The following SYF2 variants were observed in gnomAD, a reference collection of about 807,000 sequenced individuals.
SYF2 encodes SYF2 pre-mRNA splicing factor.
In SYF2, 21 loss-of-function variants were observed where a neutral mutation model predicts 32.7. That is an observed-to-expected ratio of 0.64 (90% confidence interval 0.45 to 0.92). The LOEUF (loss-of-function observed/expected upper bound fraction) is 0.92, where lower values mean the gene tolerates loss of function less well. SYF2 is among the 40% of genes least tolerant of loss of function. The pLI is 0.00. For missense variants in SYF2, 278 were observed against 296.5 expected (o/e 0.94, Z 0.46); for synonymous variants, 114 against 103.9 (o/e 1.10, Z -0.59).
intron 5 of SYF2, 36 bp from the exon 6 acceptor site, chr1:25,225,136 A>G: frequency 7.5e-7 from 1 of 1,340,706 alleles, no homozygotes. Context: ...CAGTAACACT[A>G]TAAATGCTCC....
chr1:25,227,386 TACACAC>T (rs111662912), intron 5 of SYF2, 50 bp downstream of exon 5: 26 of 1,326,934 alleles, frequency 2.0e-5, no homozygotes, highest in Middle Eastern at 1.8e-4. Flanking sequence ...TGTACATGTA[TACACAC>T]ACACACACAC....
intron 3 of SYF2, 145 bp downstream of exon 3, chr1:25,228,853 G>A (rs986076359): frequency 2.0e-5 from 16 of 785,874 alleles, no homozygotes; most frequent in South Asian, 6.5e-5. Flanking sequence ...CTCACCCAAC[G>A]TGTTGCAGTT....
rs1638423916 is a variant in SYF2 at position 25,222,328 on chromosome 1, CTGGAGT to C, written c.*932_*937del. Among the ~76,000 whole-genome samples, 1 of 152,080 alleles carries C rather than the reference CTGGAGT, an allele frequency of 6.6e-6. No individual in the cohort carries two copies. Among genetic ancestry groups the C allele is most frequent in the Non-Finnish European group, 1.5e-5 (1 of 68,020 alleles). Reference sequence around the variant, plus strand: ...AGAGAAAAAATAACAACCTTTCCCTCTGGAGTTTTATAAAAATAAATCTATTGCAGT... The same window carrying C: ...AGAGAAAAAATAACAACCTTTCCCTCTTTATAAAAATAAATCTATTGCAGT... On this transcript the variant is annotated 3_prime_UTR_variant, in exon 7 of 7. Transcript: ENST00000236273.
At chr1:25,229,322 A>G (rs942988) in intron 2 of SYF2, among the ~76,000 whole-genome samples, 199 bp from the exon 3 acceptor site, 6,406 of 152,216 alleles carry the variant, frequency 0.042, 485 homozygotes, top group African/African-American at 0.15. Context: ...GTCAAGAAAA[A>G]TGTGTTGAGT....
rs991282852 is a variant in SYF2, at chr1:25,226,152, A to T, written c.468-1052T>A. 3.9e-5 allele frequency among the ~76,000 whole-genome samples: 6 copies of T among 152,162 alleles called. No individual in the cohort carries two copies. The East Asian group carries it at 5.8e-4, about 15-fold the overall frequency. ...GACAGAGCGAGATTCTATCTCAAAA[A>T]AAAAATAAAAATAAAAATAAAAAAT... On this transcript the variant is annotated intron_variant, in intron 5 of 6. Transcript: ENST00000236273.
At chr1:25,226,112 C>T (rs1045084372) in intron 5 of SYF2, among the ~76,000 whole-genome samples, 7 of 151,694 alleles carry the variant, frequency 4.6e-5, no homozygotes, top group African/African-American at 1.7e-4. Context: ...TGCACCACTG[C>T]ACTCCAGCCT....
rs1243972436 is a variant in SYF2, at chr1:25,225,069, G to A, written c.499C>T (p.Leu167Phe). The change falls in exon 6 of 7, where the codon CTT becomes TTT. Residue 167 changes from leucine to phenylalanine, a missense_variant. Coordinates refer to ENST00000236273, the MANE Select transcript of SYF2 (RefSeq NM_015484.5). ...GEEFFPTSNSLLHGTHVPSTE... is the reference protein window; with the variant it reads ...GEEFFPTSNSFLHGTHVPSTE... ...GAAGGCACATGTGTTCCATGAAGAA[G>A]ACTATTGGATGTTGGGAAAAACTCT... 1 of 1,613,936 alleles carries A rather than the reference G, an allele frequency of 6.2e-7. No homozygotes were observed. The highest frequency in any genetic ancestry group is 1.7e-5 in the Admixed American group (1 of 59,986).
At chr1:25,226,968 G>A (rs1469114663) in intron 5 of SYF2, among the ~76,000 whole-genome samples, 4 of 151,044 alleles carry the variant, frequency 2.6e-5, no homozygotes, top group Admixed American at 1.3e-4. Flanking sequence ...GCAACAGAGC[G>A]AGACACCGTC....
chr1:25,228,171 G>A lies in SYF2; in HGVS notation c.323C>T (p.Ala108Val). ...VKLLEISAED[A>V]ERWERKKKRK... ...CTTCTTTTTCCTCTCCCATCTTTCT[G>A]CATCTTCTGCACTGATCTCCAGCAA... Residue 108 changes from alanine to valine, a missense_variant, in exon 4 of 7, where the codon GCA becomes GTA. Physicochemically the swap from Ala to Val is moderately conservative, Grantham distance 64. Coordinates refer to ENST00000236273, the MANE Select transcript of SYF2 (RefSeq NM_015484.5). The A allele has an allele frequency of 6.2e-7, 1 of 1,613,656 alleles. No homozygotes were observed. Among genetic ancestry groups the A allele is most frequent in the Non-Finnish European group, 8.5e-7 (1 of 1,179,944 alleles).
At chr1:25,224,431 T>C (rs1571487074) in intron 6 of SYF2, among the ~76,000 whole-genome samples, 1 of 152,116 alleles carries the variant, frequency 6.6e-6, no homozygotes, top group Non-Finnish European at 1.5e-5. Flanking sequence ...AATTCCTGTA[T>C]ATTTTTTGTA....
chr1:25,231,908 C>G (rs1053589186), intron 2 of SYF2, 196 bp downstream of exon 2: 9 of 667,300 alleles, frequency 1.3e-5, no homozygotes, highest in Non-Finnish European at 2.2e-5. Context: ...CTGGAGTGAA[C>G]AGTTATATTT....
intron 6 of SYF2, among the ~76,000 whole-genome samples, chr1:25,223,834 GGAA>G (rs1272110763): frequency 1.3e-5 from 2 of 152,036 alleles, no homozygotes; most frequent in East Asian, 3.9e-4. Flanking sequence ...GGACAACATA[GGAA>G]GACTCCATCA....
intron 2 of SYF2, 39 bp downstream of exon 2, chr1:25,232,065 C>A (rs1483844616): frequency 6.3e-7 from 1 of 1,592,852 alleles, no homozygotes; most frequent in Non-Finnish European, 8.6e-7. Flanking sequence ...ACAGGCTTGG[C>A]CAGATGACGG....
At chr1:25,230,114 G>C (rs750119371) in intron 2 of SYF2, among the ~76,000 whole-genome samples, 1 of 152,124 alleles carries the variant, frequency 6.6e-6, no homozygotes, top group Non-Finnish European at 1.5e-5. Context: ...CACCACACCA[G>C]GCCTCAATTA....
intron 4 of SYF2, 112 bp downstream of exon 4, chr1:25,228,006 T>A: frequency 3.6e-6 from 3 of 828,852 alleles, no homozygotes; most frequent in Non-Finnish European, 5.9e-6. Flanking sequence ...GTCTTAAGCC[T>A]CATCAAGAAT....
At chr1:25,226,075 G>A (rs1177092770) in intron 5 of SYF2, among the ~76,000 whole-genome samples, 1 of 152,010 alleles carries the variant, frequency 6.6e-6, no homozygotes, top group Non-Finnish European at 1.5e-5. Flanking sequence ...TTGAACCCAG[G>A]AGGCGGAGGC....
At chr1:25,225,372 A>G (rs1227600254) in intron 5 of SYF2, among the ~76,000 whole-genome samples, 1 of 151,826 alleles carries the variant, frequency 6.6e-6, no homozygotes, top group East Asian at 1.9e-4. Context: ...GACTGAAAAT[A>G]TAAAAATTAG....
Position 25,227,644 on chromosome 1 carries a change from A to C in SYF2, c.377-112T>G, listed in dbSNP as rs1638539797. 6 of 915,272 alleles carry C rather than the reference A, an allele frequency of 6.6e-6. No individual in the cohort carries two copies. The Admixed American group carries it at 8.6e-5, about 13-fold the overall frequency. The allele number at this position is 915,272 out of a possible 1,614,324, so 56.7% of individuals were successfully genotyped here. A position where few individuals can be genotyped will look rare whatever the true frequency, so the allele number is the denominator to read the frequency against. On this transcript the variant is annotated intron_variant, in intron 4 of 6. Coordinates refer to ENST00000236273, the MANE Select transcript of SYF2 (RefSeq NM_015484.5). ...AGTATCTTTTATCCAAAACGCTTGG[A>C]ATCGGAAGTGTTTCTGATTTTTTTC...
At chr1:25,223,570 A>G (rs899608182) in intron 6 of SYF2, 139 bp from the exon 7 acceptor site, 2 of 771,726 alleles carry the variant, frequency 2.6e-6, no homozygotes, top group East Asian at 2.6e-5. Flanking sequence ...AGTTTTCATC[A>G]AGTTAAAGTT....
Sources: gnomAD v4.1 joint callset for allele counts (sites outside exome capture counted in the v4.1 genomes callset) on GRCh38, gnomAD v4.1.1 for gene constraint, MANE v1.5 for transcripts, NCBI Gene and HGNC (gene_info 2026-07-23, HGNC 2026-07-21) for gene names.